MGAT4C: variants seen among roughly 807,000 people sequenced by gnomAD.
MGAT4C encodes MGAT4 family member C.
In MGAT4C, 19 loss-of-function variants were observed where a neutral mutation model predicts 40.1. That is an observed-to-expected ratio of 0.47 (90% CI 0.33 to 0.70). The LOEUF (loss-of-function observed/expected upper bound fraction) is 0.70. MGAT4C is among the 30% of genes least tolerant of loss of function. MGAT4C has a pLI of 0.02. For synonymous variants in MGAT4C, 181 were observed against 187.1 expected (o/e 0.97, Z 0.27); for missense variants, 491 against 563.2 (o/e 0.87, Z 1.30).
intron 1 of MGAT4C, among the ~76,000 whole-genome samples, chr12:86,123,268 TGA>T (rs1879726515): frequency 6.6e-6 from 1 of 152,134 alleles, no homozygotes; most frequent in African/African-American, 2.4e-5. Context: ...TGCAGTGTCC[TGA>T]GAGATTTGAC....
chr12:85,989,463 G>A lies in MGAT4C; in HGVS notation c.84C>T (p.Phe28=), dbSNP rs138787902. 1 of 1,607,810 alleles carries A rather than the reference G, an allele frequency of 6.2e-7. No individual in the cohort carries two copies. The highest frequency in any genetic ancestry group is 1.3e-5 in the African/African-American group (1 of 74,864). The change falls in exon 3 of 5, where the codon TTC becomes TTT. Residue 28 remains phenylalanine (F), a synonymous_variant. Coordinates refer to ENST00000611864, the MANE Select transcript of MGAT4C (RefSeq NM_001351288.2). ...RCLRKRSTVS[F]LGVLVIFLLF... ...GGAGAAAAATGACAAGAACTCCCAA[G>A]AATGACACTGTAGAACGTTTTCTCA...
intron 3 of MGAT4C, among the ~76,000 whole-genome samples, chr12:86,370,056 T>C (rs982115177): frequency 6.6e-6 from 1 of 151,996 alleles, no homozygotes; most frequent in Admixed American, 6.6e-5. Flanking sequence ...ATACCATATA[T>C]AAATAACTAT....
intron 1 of MGAT4C, among the ~76,000 whole-genome samples, chr12:86,088,451 A>G (rs1780871422): frequency 6.6e-6 from 1 of 152,078 alleles, no homozygotes; most frequent in Non-Finnish European, 1.5e-5. Flanking sequence ...AGAATAGTGG[A>G]AAATATTATA....
At chr12:86,342,774 T>C (rs960167652) in intron 3 of MGAT4C, among the ~76,000 whole-genome samples, 1 of 152,138 alleles carries the variant, frequency 6.6e-6, no homozygotes, top group Admixed American at 6.6e-5. Flanking sequence ...ATTTCCAGTA[T>C]CTAATGCAAT....
At chr12:86,518,580 T>G (rs1170173612) in intron 2 of MGAT4C, among the ~76,000 whole-genome samples, 1 of 152,196 alleles carries the variant, frequency 6.6e-6, no homozygotes, top group Non-Finnish European at 1.5e-5. Context: ...TAAATATTGC[T>G]GACAGAAATA....
chr12:86,531,492 GT>G (rs1196852977), intron 2 of MGAT4C, among the ~76,000 whole-genome samples: 1 of 152,006 alleles, frequency 6.6e-6, no homozygotes, highest in Non-Finnish European at 1.5e-5. Context: ...GGCTTCACTT[GT>G]TTACTGATTG....
intron 1 of MGAT4C, among the ~76,000 whole-genome samples, chr12:86,073,066 G>A (rs1868892208): frequency 6.6e-6 from 1 of 152,136 alleles, no homozygotes; most frequent in Non-Finnish European, 1.5e-5. Flanking sequence ...ATTCCCACAT[G>A]TTATGAGAGG....
Position 86,642,947 on chromosome 12 carries a change from A to G in MGAT4C, c.-229+84262T>C, listed in dbSNP as rs190224498. Among the ~76,000 whole-genome samples, 880 of 151,912 alleles carry G rather than the reference A, an allele frequency of 5.8e-3. 6 individuals are homozygous for G. Among genetic ancestry groups the G allele is most frequent in the Non-Finnish European group, 0.01 (681 of 67,850 alleles). ...GATGTAAAATGATGTAACTGCTTAG[A>G]AAAATGCCTTAACAGTCTTCAAAAA... On this transcript the variant is annotated intron_variant, in intron 2 of 7. Transcript: ENST00000548651.
intron 2 of MGAT4C, among the ~76,000 whole-genome samples, chr12:86,573,546 T>C (rs1456455124): frequency 1.3e-5 from 2 of 152,004 alleles, no homozygotes; most frequent in Non-Finnish European, 2.9e-5. Context: ...CCATTTTTAT[T>C]GTACGTGTAG....
At chr12:86,651,493 G>GT (rs1963695966) in intron 2 of MGAT4C, among the ~76,000 whole-genome samples, 1 of 151,712 alleles carries the variant, frequency 6.6e-6, no homozygotes, top group Non-Finnish European at 1.5e-5. Flanking sequence ...AATATTTTGA[G>GT]TATTATTTTT....
Position 86,534,893 on chromosome 12 carries a change from C to T in MGAT4C, c.-228-99628G>A, listed in dbSNP as rs796903755. Among the ~76,000 whole-genome samples, 28 of 152,196 alleles carry T rather than the reference C, an allele frequency of 1.8e-4. 1 individual carries two copies. The highest frequency in any genetic ancestry group is 6.7e-4 in the African/African-American group (28 of 41,552). ...TAAATAAAGCAAGGCCTCCCTGACT[C>T]CTAGACTGAAATACACCTATTCAAA... is the stretch of plus-strand genomic sequence containing the variant. On this transcript the variant is annotated intron_variant, in intron 2 of 7. Coordinates refer to the MGAT4C transcript ENST00000548651.
rs150700433 is a variant in MGAT4C, at chr12:86,419,808, G to C, written c.-120+15349C>G. Among the ~76,000 whole-genome samples the C allele has an allele frequency of 2.5e-3, 387 of 152,280 alleles. 4 individuals are homozygous for C. The highest frequency in any genetic ancestry group is 8.9e-3 in the African/African-American group (369 of 41,556). On this transcript the variant is annotated intron_variant, in intron 3 of 7. Coordinates refer to the MGAT4C transcript ENST00000548651. ...GAAGGGTGTGTTTCATGGTACTGGA[G>C]AAGGAAGGCTAATATTGACCCTATG...
At position 86,707,328 on chromosome 12, in the gene MGAT4C, T is replaced by C. The variant is rs1950475427; in HGVS notation, c.-229+19881A>G. 2.0e-5 allele frequency among the ~76,000 whole-genome samples: 3 copies of C among 152,106 alleles called. No homozygotes were observed. In the South Asian group the frequency reaches 6.2e-4, roughly 32 times the overall value. ...TGTTGAATGGCTTTGCCCAAAATGC[T>C]GATAGCAATATGGAAAATAAAGTAT... On this transcript the variant is annotated intron_variant, in intron 2 of 7. Transcript: ENST00000548651.
chr12:86,804,252 T>C (rs1366261116), intron 1 of MGAT4C, among the ~76,000 whole-genome samples: 1 of 127,054 alleles, frequency 7.9e-6, no homozygotes, highest in African/African-American at 3.0e-5. Flanking sequence ...AATATCACAC[T>C]CTGGGGACTG....
chr12:86,024,787 G>A (rs1450015573), intron 2 of MGAT4C, among the ~76,000 whole-genome samples: 1 of 151,778 alleles, frequency 6.6e-6, no homozygotes, highest in Non-Finnish European at 1.5e-5. Context: ...TGAAGAATAA[G>A]TATCTGTGTT....
chr12:86,126,858 A>G (rs183836700), intron 1 of MGAT4C, among the ~76,000 whole-genome samples: 8 of 152,286 alleles, frequency 5.3e-5, no homozygotes, highest in African/African-American at 1.9e-4. Context: ...TTTGGGGAAG[A>G]CAATTTTTCA....
intron 2 of MGAT4C, among the ~76,000 whole-genome samples, chr12:86,629,636 C>T (rs1231508349): frequency 6.6e-6 from 1 of 152,180 alleles, no homozygotes; most frequent in Non-Finnish European, 1.5e-5. Flanking sequence ...AACTGAACAA[C>T]CTGCTCCTGA....
chr12:86,781,526 A>AT (rs1349964708), intron 1 of MGAT4C, among the ~76,000 whole-genome samples: 1 of 152,188 alleles, frequency 6.6e-6, no homozygotes, highest in Non-Finnish European at 1.5e-5. Context: ...GTGAAGTGCT[A>AT]TAAGAAATGA....
chr12:86,206,419 A>T (rs947207227), intron 1 of MGAT4C, among the ~76,000 whole-genome samples: 3 of 152,198 alleles, frequency 2.0e-5, no homozygotes, highest in Non-Finnish European at 4.4e-5. Context: ...TGACAACTAT[A>T]AGTAAGCTAA....
Sources: gnomAD v4.1 joint callset for allele counts (sites outside exome capture counted in the v4.1 genomes callset) on GRCh38, gnomAD v4.1.1 for gene constraint, MANE v1.5 for transcripts, NCBI Gene and HGNC (gene_info 2026-07-23, HGNC 2026-07-21) for gene names.